The following RPA3 variants were observed in gnomAD, a reference collection of about 807,000 sequenced individuals.
RPA3 encodes replication protein A 14 kDa subunit.
A neutral mutation model predicts 13.7 loss-of-function variants in RPA3; 24 were observed. The ratio of observed to expected loss-of-function variants is 1.75; its 90% CI spans 1.27 to 2.46. RPA3 has a LOEUF of 2.46. RPA3 is among the 30% of genes most tolerant of loss of function. RPA3 has a pLI of 0.00. For synonymous variants in RPA3, 59 were observed against 51.2 expected, an observed-to-expected ratio of 1.15 and a Z score of -0.65; for missense variants, 183 against 151.0, an observed-to-expected ratio of 1.21 and a Z score of -1.11.
intron 4 of RPA3, among the ~76,000 whole-genome samples, chr7:7,676,827 A>T (rs1779752974): frequency 6.6e-6 from 1 of 152,188 alleles, no homozygotes; most frequent in Non-Finnish European, 1.5e-5. Context: ...ACAGATAAAG[A>T]TCTTGACAGA....
At chr7:7,718,325 C>T (rs910887482) in intron 1 of RPA3, among the ~76,000 whole-genome samples, 190 bp downstream of exon 1, 3 of 152,162 alleles carry the variant, frequency 2.0e-5, no homozygotes, top group Non-Finnish European at 4.4e-5. Flanking sequence ...ATCGATGATA[C>T]TGTATGCATA....
At chr7:7,687,946 C>T (rs1780079036) in intron 2 of RPA3, among the ~76,000 whole-genome samples, 1 of 152,206 alleles carries the variant, frequency 6.6e-6, no homozygotes, top group Non-Finnish European at 1.5e-5. Flanking sequence ...TGCTTGGCAG[C>T]ACCAAAGGAA....
intron 2 of RPA3, among the ~76,000 whole-genome samples, chr7:7,697,666 G>A (rs1024540927): frequency 2.0e-5 from 3 of 152,198 alleles, no homozygotes; most frequent in South Asian, 2.1e-4. Context: ...TGTGACATTG[G>A]CACCCAGTGT....
intron 2 of RPA3, among the ~76,000 whole-genome samples, chr7:7,689,002 C>A (rs888900668): frequency 1.2e-4 from 19 of 152,150 alleles, no homozygotes; most frequent in Admixed American, 8.5e-4. Flanking sequence ...AGTAAGCATT[C>A]AGACTAAGCC....
chr7:7,639,692 G>C (rs886279842), intron 5 of RPA3, among the ~76,000 whole-genome samples: 1 of 152,188 alleles, frequency 6.6e-6, no homozygotes, highest in Non-Finnish European at 1.5e-5. Flanking sequence ...GGAAGTCAGA[G>C]CAACACTCAT....
At chr7:7,704,221 C>T (rs956248964) in intron 2 of RPA3, among the ~76,000 whole-genome samples, 1 of 152,084 alleles carries the variant, frequency 6.6e-6, no homozygotes, top group African/African-American at 2.4e-5. Flanking sequence ...TATAAGGCTA[C>T]TCTTTTTACT....
intron 4 of RPA3, among the ~76,000 whole-genome samples, chr7:7,671,185 C>G (rs1459168470): frequency 6.6e-6 from 1 of 152,220 alleles, no homozygotes; most frequent in Non-Finnish European, 1.5e-5. Flanking sequence ...GGTTTCTTAT[C>G]TACTTAACTT....
At chr7:7,637,514 T>C (rs1583678678) in intron 7 of RPA3, among the ~76,000 whole-genome samples, 1 of 152,216 alleles carries the variant, frequency 6.6e-6, no homozygotes, top group South Asian at 2.1e-4. Flanking sequence ...CAAAATTCTA[T>C]AGAAATTGAA....
At chr7:7,674,981 G>A (rs1436365842) in intron 4 of RPA3, among the ~76,000 whole-genome samples, 1 of 151,826 alleles carries the variant, frequency 6.6e-6, no homozygotes, top group Non-Finnish European at 1.5e-5. Context: ...AGGGAACTCT[G>A]CTTTTTTCTG....
At chr7:7,678,090 T>C (rs979544500) in intron 4 of RPA3, among the ~76,000 whole-genome samples, 10 of 152,190 alleles carry the variant, frequency 6.6e-5, no homozygotes, top group Non-Finnish European at 1.5e-4. Context: ...TTTCTTCTTT[T>C]GGGTATGTAC....
chr7:7,685,403 G>A (rs1166848437), intron 4 of RPA3, among the ~76,000 whole-genome samples: 1 of 151,002 alleles, frequency 6.6e-6, no homozygotes, highest in East Asian at 2.0e-4. Flanking sequence ...TCTGCCTCAT[G>A]GGTTCAAGCG....
chr7:7,660,084 T>C lies in RPA3; in HGVS notation c.-757-18909A>G. ...TCTTTTTGTCTCTTTTGATCTTTGT[T>C]GGTTTAAAGTCTGTTTTATCAGAGA... On this transcript the variant is annotated intron_variant, in intron 4 of 7. Coordinates refer to ENST00000223129, the MANE Select transcript of RPA3 (RefSeq NM_002947.5). 1.3e-5 allele frequency among the ~76,000 whole-genome samples: 2 copies of C among 152,226 alleles called. 1 individual carries two copies. Among genetic ancestry groups the C allele is most frequent in the East Asian group, 3.8e-4 (2 of 5,206 alleles).
At chr7:7,664,549 C>T (rs899655117) in intron 4 of RPA3, among the ~76,000 whole-genome samples, 1 of 152,170 alleles carries the variant, frequency 6.6e-6, no homozygotes, top group Non-Finnish European at 1.5e-5. Context: ...GTTCCTTCCT[C>T]TAGTGAGGTT....
chr7:7,673,227 G>C, intron 4 of RPA3: 1 of 861,324 alleles, frequency 1.2e-6, no homozygotes, highest in Non-Finnish European at 1.9e-6. Context: ...TTGTTATATC[G>C]TTATGCTGAA....
At chr7:7,659,942 CTT>C (rs1449307719) in intron 4 of RPA3, among the ~76,000 whole-genome samples, 2 of 152,142 alleles carry the variant, frequency 1.3e-5, no homozygotes, top group African/African-American at 4.8e-5. Flanking sequence ...GTCTAAGTCT[CTT>C]TGTAAGTCTC....
At chr7:7,638,417 A>G (rs918406463) in intron 6 of RPA3, 1 of 153,342 alleles carries the variant, frequency 6.5e-6, no homozygotes, top group Admixed American at 6.5e-5. Context: ...CTGGAAATAT[A>G]TGAACAAAAA....
chr7:7,637,329 TATTCAATTCCTTCA>T (rs2115537001), intron 7 of RPA3, among the ~76,000 whole-genome samples: 1 of 152,306 alleles, frequency 6.6e-6, no homozygotes, highest in South Asian at 2.1e-4. Flanking sequence ...TGTTATGCAT[TATTCAATTCCTTCA>T]ATTCAGATAT....
At chr7:7,677,062 AT>A (rs1779759106) in intron 4 of RPA3, among the ~76,000 whole-genome samples, 2 of 152,180 alleles carry the variant, frequency 1.3e-5, no homozygotes, top group Non-Finnish European at 2.9e-5. Flanking sequence ...TTTTATTAAC[AT>A]GGACACATAC....
chr7:7,679,745 T>G (rs1392301926), intron 4 of RPA3, among the ~76,000 whole-genome samples: 1 of 147,234 alleles, frequency 6.8e-6, no homozygotes, highest in Non-Finnish European at 1.5e-5. Context: ...CACACACATA[T>G]TAAGAGGCAA....
Sources: gnomAD v4.1 joint callset for allele counts (sites outside exome capture counted in the v4.1 genomes callset) on GRCh38, gnomAD v4.1.1 for gene constraint, MANE v1.5 for transcripts, NCBI Gene and HGNC (gene_info 2026-07-23, HGNC 2026-07-21) for gene names.